The following HNF1B variants were observed in gnomAD, a reference collection of about 807,000 sequenced individuals.
The protein encoded by HNF1B is HNF1 homeobox B.
HNF1B carries 8 observed loss-of-function variants against 61.7 expected under a neutral mutation model. The ratio of observed to expected loss-of-function variants is 0.13; its 90% CI spans 0.08 to 0.23. HNF1B has a LOEUF of 0.23. Ranked by LOEUF, HNF1B falls within the 10% of genes least tolerant of loss-of-function variation. The pLI, the probability that HNF1B is intolerant of heterozygous loss-of-function variation, is 1.00. For missense variants in HNF1B, 562 were observed against 714.5 expected, an observed-to-expected ratio of 0.79 and a Z score of 2.43; for synonymous variants, 314 against 287.7, an observed-to-expected ratio of 1.09 and a Z score of -0.93.
chr17:37,720,971 C>G, intron 4 of HNF1B: 1 of 984,552 alleles, frequency 1.0e-6, no homozygotes. Flanking sequence ...CACTTTTGTG[C>G]CCATCGTGCA....
intron 2 of HNF1B, 74 bp from the exon 3 acceptor site, chr17:37,733,895 C>A (rs1213175140): frequency 1.2e-5 from 17 of 1,373,842 alleles, no homozygotes; most frequent in Non-Finnish European, 1.7e-5. Context: ...GACAGACAGA[C>A]AACGGACGAA....
Position 37,731,637 on chromosome 17 carries a change from G to C in HNF1B, c.1003C>G (p.Pro335Ala). Residue 335 changes from proline to alanine, a missense_variant, in exon 4 of 9, where the codon CCC (proline) becomes GCC (alanine). Coordinates refer to ENST00000617811, the MANE Select transcript of HNF1B (RefSeq NM_000458.4). ...SLNPLLSHGSPHHQPSSSPPN... is the reference protein window; with the variant it reads ...SLNPLLSHGSAHHQPSSSPPN... ...GGAGAGGAGCTGGGCTGGTGGTGGG[G>C]GGAGCCGTGGGAGAGCAGAGGGTTC... 6.2e-7 allele frequency: 1 copy of C among 1,614,046 alleles called. No homozygotes were observed. Among genetic ancestry groups the C allele is most frequent in the Non-Finnish European group, 8.5e-7 (1 of 1,179,938 alleles).
intron 8 of HNF1B, among the ~76,000 whole-genome samples, chr17:37,688,957 C>G (rs1194025939): frequency 6.6e-6 from 1 of 152,004 alleles, no homozygotes; most frequent in Non-Finnish European, 1.5e-5. Flanking sequence ...TCAGCCTGGC[C>G]AACATAGTGA....
chr17:37,725,647 C>T (rs1232309360), intron 4 of HNF1B, among the ~76,000 whole-genome samples: 1 of 152,230 alleles, frequency 6.6e-6, no homozygotes, highest in Non-Finnish European at 1.5e-5. Flanking sequence ...GAATAGCAGA[C>T]ATTTCAAGGC....
chr17:37,689,743 AGAGCTAACATTTATC>A (rs2032127660), intron 8 of HNF1B, among the ~76,000 whole-genome samples: 1 of 152,216 alleles, frequency 6.6e-6, no homozygotes, highest in Middle Eastern at 3.2e-3. Flanking sequence ...CATAATGGTA[AGAGCTAACATTTATC>A]GACATCCTAC....
chr17:37,718,734 C>A (rs766941620), intron 4 of HNF1B, among the ~76,000 whole-genome samples: 1 of 152,232 alleles, frequency 6.6e-6, no homozygotes, highest in Non-Finnish European at 1.5e-5. Flanking sequence ...CCCATGAGGG[C>A]AGGACCTTGT....
chr17:37,696,550 T>C (rs2411154), intron 8 of HNF1B, among the ~76,000 whole-genome samples: 22,657 of 152,248 alleles, frequency 0.15, 1,763 homozygotes, highest in Middle Eastern at 0.22. Context: ...CCTTCCGCCA[T>C]GCTTGTAAAC....
chr17:37,693,189 CAAAA>C (rs11464180), intron 8 of HNF1B, among the ~76,000 whole-genome samples: 4 of 47,770 alleles, frequency 8.4e-5, no homozygotes, highest in South Asian at 1.7e-3. Context: ...GATTCCATCT[CAAAA>C]AAAAAAAAAA....
intron 4 of HNF1B, among the ~76,000 whole-genome samples, chr17:37,725,593 C>A (rs1280409795): frequency 6.6e-6 from 1 of 152,198 alleles, no homozygotes; most frequent in African/African-American, 2.4e-5. Context: ...TGGAGCCACC[C>A]ATGTCCGCCA....
chr17:37,693,842 G>A (rs977499449), intron 8 of HNF1B, among the ~76,000 whole-genome samples: 5 of 152,186 alleles, frequency 3.3e-5, no homozygotes, highest in East Asian at 1.9e-4. Flanking sequence ...GTGAGCTCTC[G>A]CTCAAGTTAA....
chr17:37,744,483 C>A (rs543591795), intron 1 of HNF1B, 58 bp downstream of exon 1: 2 of 1,568,816 alleles, frequency 1.3e-6, no homozygotes, highest in Admixed American at 1.7e-5. Context: ...GTCACTCAGG[C>A]CCGGGGCCGG....
chr17:37,702,887 C>G (rs2032617813), intron 6 of HNF1B, among the ~76,000 whole-genome samples: 1 of 152,176 alleles, frequency 6.6e-6, no homozygotes, highest in Non-Finnish European at 1.5e-5. Context: ...CATTCCAGCT[C>G]CCTCAGTGGG....
chr17:37,737,547 A>G (rs1313212571), intron 2 of HNF1B, among the ~76,000 whole-genome samples: 1 of 152,000 alleles, frequency 6.6e-6, no homozygotes, highest in Admixed American at 6.6e-5. Context: ...AAAAATAACA[A>G]CTGGGTGCGG....
chr17:37,743,734 T>C (rs946628749), intron 1 of HNF1B, among the ~76,000 whole-genome samples: 4 of 152,176 alleles, frequency 2.6e-5, no homozygotes, highest in African/African-American at 7.2e-5. Context: ...ATCCCGGCCC[T>C]GGGGATACAC....
chr17:37,694,166 G>T (rs1408894140), intron 8 of HNF1B, among the ~76,000 whole-genome samples: 1 of 152,162 alleles, frequency 6.6e-6, no homozygotes, highest in Non-Finnish European at 1.5e-5. Flanking sequence ...AGTGGCTCAC[G>T]CCTGTAATCC....
At chr17:37,742,690 T>C (rs1269816291) in intron 1 of HNF1B, among the ~76,000 whole-genome samples, 1 of 151,748 alleles carries the variant, frequency 6.6e-6, no homozygotes, top group African/African-American at 2.4e-5. Context: ...GCCTGGGGCT[T>C]TGGGGAGGGA....
chr17:37,710,560 T>G lies in HNF1B; in HGVS notation c.1149A>C (p.Gln383His), dbSNP rs757649029. 1 of 1,614,182 alleles carries G rather than the reference T, an allele frequency of 6.2e-7. No homozygotes were observed. Among genetic ancestry groups the G allele is most frequent in the East Asian group, 2.2e-5 (1 of 44,882 alleles). The change falls in exon 5 of 9, where the codon CAA (glutamine) becomes CAC (histidine). Residue 383 changes from glutamine to histidine, a missense_variant. Coordinates refer to ENST00000617811, the MANE Select transcript of HNF1B (RefSeq NM_000458.4). ...AMVTSQSVLQ[Q>H]VSPASLDPGH... ...CTGGGTCCAGGCTGGCTGGGGAGAC[T>G]TGCTGTAAAACCGACTGGCTGGTCA...
intron 5 of HNF1B, among the ~76,000 whole-genome samples, chr17:37,709,113 A>G (rs1354531869): frequency 6.6e-6 from 1 of 152,146 alleles, no homozygotes; most frequent in Non-Finnish European, 1.5e-5. Context: ...GACCCAAAGA[A>G]TAGAGCTTTC....
At chr17:37,698,607 T>G (rs1362227596) in intron 8 of HNF1B, among the ~76,000 whole-genome samples, 2 of 152,174 alleles carry the variant, frequency 1.3e-5, no homozygotes, top group Non-Finnish European at 2.9e-5. Context: ...CTTATGGCAT[T>G]CTGGGTCCAG....
Sources: allele counts gnomAD v4.1 joint callset (sites outside exome capture counted in the v4.1 genomes callset), GRCh38; gene constraint gnomAD v4.1.1; transcripts MANE v1.5; gene names NCBI Gene and HGNC (gene_info 2026-07-23, HGNC 2026-07-21).